TTLL11: variants seen among roughly 807,000 people sequenced by gnomAD.
TTLL11 encodes tubulin tyrosine ligase like 11, also known as tubulin polyglutamylase TTLL11.
Under a neutral mutation model 51.7 loss-of-function variants are expected in TTLL11, and 42 were observed. The observed-to-expected ratio is 0.81, with a 90% CI of 0.64 to 1.05. The LOEUF (loss-of-function observed/expected upper bound fraction) is 1.05, where lower values mean the gene tolerates loss of function less well. TTLL11 is among the 50% of genes least tolerant of loss of function. The pLI is 0.00. For synonymous variants in TTLL11, 381 were observed against 383.5 expected, an observed-to-expected ratio of 0.99 and a Z score of 0.08; for missense variants, 799 against 940.4, an observed-to-expected ratio of 0.85 and a Z score of 1.97.
At chr9:121,908,506 T>C (rs1274603028) in intron 6 of TTLL11, among the ~76,000 whole-genome samples, 2 of 152,226 alleles carry the variant, frequency 1.3e-5, no homozygotes, top group Non-Finnish European at 2.9e-5. Context: ...TGGTGTTTCA[T>C]GAGCAACGAA....
In TTLL11 at chr9:121,819,825, C is replaced by CG. The variant is rs1400757685; in HGVS notation, c.*2761dup. 2.6e-5 allele frequency among the ~76,000 whole-genome samples: 4 copies of CG among 152,124 alleles called. No individual in the cohort carries two copies. Among genetic ancestry groups the CG allele is most frequent in the African/African-American group, 9.7e-5 (4 of 41,416 alleles). Reference sequence around the variant, plus strand: ...AATTACATCCAATAAAACGAGTGGCCGATTACCAAAGGGGTAAACACAGTG... The same window carrying CG: ...AATTACATCCAATAAAACGAGTGGCCGGATTACCAAAGGGGTAAACACAGTG... On this transcript the variant is annotated 3_prime_UTR_variant, in exon 9 of 9. Transcript: ENST00000321582.
At position 121,891,260 on chromosome 9, in the gene TTLL11, C is replaced by T. The variant is rs577613272; in HGVS notation, c.1482-20512G>A. Among the ~76,000 whole-genome samples the T allele has an allele frequency of 5.3e-5, 8 of 152,310 alleles. No individual in the cohort carries two copies. In the South Asian group the frequency reaches 6.2e-4, roughly 12 times the overall value. On this transcript the variant is annotated intron_variant, in intron 6 of 8. Coordinates refer to ENST00000321582, the MANE Select transcript of TTLL11 (RefSeq NM_001139442.2). ...CACAGAAAGTATCTACTGAAAAACA[C>T]GAGCAACCTTGAGAGTCTCCACTGC...
At chr9:122,014,053 G>A (rs892048404) in intron 3 of TTLL11, among the ~76,000 whole-genome samples, 2 of 152,124 alleles carry the variant, frequency 1.3e-5, no homozygotes, top group African/African-American at 2.4e-5. Flanking sequence ...CTCATAGTCA[G>A]TGAAAAGGTA....
In TTLL11 at chr9:121,983,729, A is replaced by G. The variant is rs901397134; in HGVS notation, c.1269+5466T>C. Among the ~76,000 whole-genome samples the G allele has an allele frequency of 7.2e-5, 11 of 152,230 alleles. No individual in the cohort carries two copies. In the South Asian group the frequency reaches 1.2e-3, roughly 17 times the overall value. On this transcript the variant is annotated intron_variant, in intron 4 of 8. Coordinates refer to ENST00000321582, the MANE Select transcript of TTLL11 (RefSeq NM_001139442.2). ...ACTCCCTTTTCTGGGCTCTCCCAGC[A>G]TCCCACATGGACCCTCTCATAGCAT...
At chr9:122,041,714 G>A (rs979141006) in intron 1 of TTLL11, among the ~76,000 whole-genome samples, 3 of 151,778 alleles carry the variant, frequency 2.0e-5, no homozygotes, top group Admixed American at 1.3e-4. Context: ...TAACCAAAAA[G>A]GTGAAAGACT....
At chr9:121,884,503 A>T (rs1311422800) in intron 6 of TTLL11, 1 of 152,118 alleles carries the variant, frequency 6.6e-6, no homozygotes, top group Admixed American at 6.6e-5. Flanking sequence ...GGCAAGGGGG[A>T]TGTGTGGGAG....
At chr9:122,090,137 G>A (rs1001646464) in intron 1 of TTLL11, among the ~76,000 whole-genome samples, 9 of 139,332 alleles carry the variant, frequency 6.5e-5, no homozygotes, top group Non-Finnish European at 1.4e-4. Context: ...ACCATTATGC[G>A]GCTACCGAAG....
chr9:122,012,655 AATACAC>A (rs796640297), intron 3 of TTLL11, among the ~76,000 whole-genome samples: 10 of 126,472 alleles, frequency 7.9e-5, no homozygotes, highest in South Asian at 4.5e-4. Context: ...AGGAGGAAAA[AATACAC>A]ATACACACAC....
At chr9:122,008,249 A>G (rs902061343) in intron 3 of TTLL11, among the ~76,000 whole-genome samples, 3 of 152,230 alleles carry the variant, frequency 2.0e-5, no homozygotes, top group Non-Finnish European at 4.4e-5. Flanking sequence ...TATTTGGATA[A>G]TTGTCAAAAT....
intron 1 of TTLL11, among the ~76,000 whole-genome samples, chr9:122,070,813 T>G (rs1845706845): frequency 6.6e-6 from 1 of 152,162 alleles, no homozygotes; most frequent in Admixed American, 6.5e-5. Context: ...GAGGGGTTCC[T>G]ACCTTCGGGC....
At chr9:121,827,579 A>G (rs1836852718) in intron 8 of TTLL11, among the ~76,000 whole-genome samples, 1 of 152,182 alleles carries the variant, frequency 6.6e-6, no homozygotes, top group Non-Finnish European at 1.5e-5. Context: ...AGACGGTCCT[A>G]TTGAATGCGT....
chr9:121,865,414 G>A (rs549023240), intron 7 of TTLL11, among the ~76,000 whole-genome samples: 18 of 152,294 alleles, frequency 1.2e-4, no homozygotes, highest in African/African-American at 2.4e-4. Context: ...AAATGCTCAC[G>A]ATACAGAGAA....
intron 1 of TTLL11, among the ~76,000 whole-genome samples, chr9:122,042,194 T>C (rs983561003): frequency 6.6e-6 from 1 of 152,318 alleles, no homozygotes; most frequent in South Asian, 2.1e-4. Context: ...CTTGTATTTT[T>C]AGTAGAGGCT....
Position 121,988,692 on chromosome 9 carries a change from G to A in TTLL11, c.1269+503C>T, listed in dbSNP as rs112339040. Among the ~76,000 whole-genome samples the A allele has an allele frequency of 1.5e-3, 229 of 152,184 alleles. 1 individual carries two copies. The highest frequency in any genetic ancestry group is 5.2e-3 in the African/African-American group (218 of 41,534). ...GCCCCACGATCTCAGCACCTCAGACGTTTCTTATTCTACTCTAGCATTTAA... is the reference window on the plus strand; with the variant it reads ...GCCCCACGATCTCAGCACCTCAGACATTTCTTATTCTACTCTAGCATTTAA... On this transcript the variant is annotated intron_variant, in intron 4 of 8. Transcript: ENST00000321582.
At chr9:122,086,471 G>A (rs963193044) in intron 1 of TTLL11, among the ~76,000 whole-genome samples, 6 of 151,936 alleles carry the variant, frequency 3.9e-5, no homozygotes, top group East Asian at 1.9e-4. Context: ...TTGCAATGGC[G>A]GTCATTGAAA....
intron 2 of TTLL11, among the ~76,000 whole-genome samples, chr9:122,038,045 C>A (rs1407897855): frequency 6.6e-6 from 1 of 152,126 alleles, no homozygotes; most frequent in East Asian, 1.9e-4. Context: ...TAAGAGAAAA[C>A]ACCCTATATT....
chr9:121,979,759 C>T (rs990782285), intron 4 of TTLL11, among the ~76,000 whole-genome samples: 1 of 152,048 alleles, frequency 6.6e-6, no homozygotes, highest in African/African-American at 2.4e-5. Context: ...GCCCAAAATC[C>T]GTGTCTACAA....
chr9:121,878,907 G>A (rs1283715568), intron 6 of TTLL11, among the ~76,000 whole-genome samples: 2 of 152,194 alleles, frequency 1.3e-5, no homozygotes, highest in Admixed American at 1.3e-4. Context: ...TGGGCTGTGG[G>A]GCTGGTGGTG....
chr9:121,946,234 T>C (rs939767582), intron 6 of TTLL11, among the ~76,000 whole-genome samples: 2 of 152,116 alleles, frequency 1.3e-5, no homozygotes, highest in African/African-American at 4.8e-5. Flanking sequence ...TGCAAAGGCA[T>C]AGAGGCATCA....
Sources: allele counts gnomAD v4.1 joint callset (sites outside exome capture counted in the v4.1 genomes callset), GRCh38; gene constraint gnomAD v4.1.1; transcripts MANE v1.5; gene names NCBI Gene and HGNC (gene_info 2026-07-23, HGNC 2026-07-21).